RIN2: variants seen among roughly 807,000 people sequenced by gnomAD.
RIN2 encodes the protein RAB5 interacting protein 2.
In RIN2, 36 loss-of-function variants were observed where a neutral mutation model predicts 78.0. The ratio of observed to expected loss-of-function variants is 0.46; its 90% CI spans 0.35 to 0.61. The LOEUF (loss-of-function observed/expected upper bound fraction) is 0.61, where lower values mean the gene tolerates loss of function less well. Ranked by LOEUF, RIN2 falls within the 20% of genes least tolerant of loss-of-function variation. RIN2 has a pLI of 0.00. For synonymous variants in RIN2, 466 were observed against 466.8 expected, an observed-to-expected ratio of 1.00 and a Z score of 0.02; for missense variants, 1,087 against 1,159.7, an observed-to-expected ratio of 0.94 and a Z score of 0.91.
intron 4 of RIN2, among the ~76,000 whole-genome samples, chr20:19,944,725 T>G (rs1421466060): frequency 6.6e-6 from 1 of 151,890 alleles, no homozygotes; most frequent in Non-Finnish European, 1.5e-5. Context: ...AAGTTGAGGA[T>G]GGCAATACCA....
intron 4 of RIN2, 43 bp from the exon 5 acceptor site, chr20:19,956,572 T>C (rs767613815): frequency 2.0e-5 from 32 of 1,582,746 alleles, no homozygotes; most frequent in Non-Finnish European, 2.6e-5. Flanking sequence ...GTTAGGGAAA[T>C]GGTACTGCAG....
intron 2 of RIN2, among the ~76,000 whole-genome samples, chr20:19,830,804 G>A (rs1242350849): frequency 1.3e-5 from 2 of 152,188 alleles, no homozygotes; most frequent in African/African-American, 4.8e-5. Context: ...TGGCTGAAGG[G>A]GGCTGCCTAG....
intron 1 of RIN2, among the ~76,000 whole-genome samples, chr20:19,796,698 A>G (rs543381896): frequency 6.6e-6 from 1 of 152,182 alleles, no homozygotes. Flanking sequence ...CCCATCCCCA[A>G]ATTGATTTGG....
intron 3 of RIN2, among the ~76,000 whole-genome samples, chr20:19,920,768 C>G (rs191097836): frequency 6.6e-6 from 1 of 152,320 alleles, no homozygotes; most frequent in Admixed American, 6.5e-5. Context: ...CCTCCACCCC[C>G]CAAGTTCAAG....
intron 3 of RIN2, chr20:19,895,743 C>T (rs916374514): frequency 6.6e-6 from 1 of 152,120 alleles, no homozygotes; most frequent in Non-Finnish European, 1.5e-5. Flanking sequence ...AACAGAAAAC[C>T]TGTCATTATA....
intron 2 of RIN2, among the ~76,000 whole-genome samples, chr20:19,827,225 C>G (rs981666840): frequency 2.0e-5 from 3 of 152,174 alleles, no homozygotes; most frequent in African/African-American, 7.2e-5. Flanking sequence ...ATCTGCCTGC[C>G]TCGGCCTCCC....
intron 3 of RIN2, 51 bp from the exon 4 acceptor site, chr20:19,935,048 A>G (rs1684853038): frequency 3.6e-6 from 5 of 1,404,858 alleles, no homozygotes; most frequent in African/African-American, 2.8e-5. Flanking sequence ...CGCTGTGGGC[A>G]TGCCACGCCT....
At chr20:19,900,172 G>A (rs1432278457) in intron 3 of RIN2, among the ~76,000 whole-genome samples, 2 of 152,160 alleles carry the variant, frequency 1.3e-5, no homozygotes, top group African/African-American at 2.4e-5. Context: ...AGATTTTCAT[G>A]TAAAATAATC....
chr20:19,927,458 A>G (rs1304670999), intron 3 of RIN2, among the ~76,000 whole-genome samples: 1 of 151,926 alleles, frequency 6.6e-6, no homozygotes, highest in Non-Finnish European at 1.5e-5. Flanking sequence ...TCTGTTGCCC[A>G]GGCTAGAGTG....
intron 2 of RIN2, 61 bp from the exon 3 acceptor site, chr20:19,889,505 G>C (rs996294339): frequency 6.9e-7 from 1 of 1,458,092 alleles, no homozygotes; most frequent in Non-Finnish European, 9.4e-7. Context: ...TGAGTGTTCT[G>C]TGGCTTAGAA....
chr20:19,765,724 T>C (rs933579192), intron 1 of RIN2, among the ~76,000 whole-genome samples: 33 of 152,144 alleles, frequency 2.2e-4, no homozygotes, highest in African/African-American at 7.7e-4. Context: ...TCAGAGGCTC[T>C]TGTCTTTTTA....
At chr20:19,852,978 C>CA (rs2037034737) in intron 2 of RIN2, among the ~76,000 whole-genome samples, 1 of 151,134 alleles carries the variant, frequency 6.6e-6, no homozygotes, top group South Asian at 2.1e-4. Flanking sequence ...TGGTGTGCTG[C>CA]ACCCATTAAC....
intron 4 of RIN2, among the ~76,000 whole-genome samples, chr20:19,945,938 A>AC (rs1245825710): frequency 2.6e-5 from 4 of 152,200 alleles, no homozygotes; most frequent in Non-Finnish European, 5.9e-5. Flanking sequence ...AAGCACAGAA[A>AC]CAAGAACGCT....
Position 19,960,706 on chromosome 20 carries a change from C to T in RIN2, c.358C>T (p.Leu120=). 6.3e-7 allele frequency: 1 copy of T among 1,591,700 alleles called. No homozygotes were observed. Among genetic ancestry groups the T allele is most frequent in the Non-Finnish European group, 8.6e-7 (1 of 1,168,048 alleles). ...VLQAQPPGIF[L]VHKSTKMQKK... ...TTTCTTTTCCCTCCACTAGATCTTC[C>T]TGGTTCATAAATCTACCAAGATGCA... The change falls in exon 6 of 13, where the codon CTG becomes TTG. Residue 120 remains leucine, a synonymous_variant. Coordinates refer to ENST00000255006, the MANE Select transcript of RIN2 (RefSeq NM_018993.4).
chr20:19,906,286 C>A (rs1292397138), intron 3 of RIN2, among the ~76,000 whole-genome samples: 1 of 152,038 alleles, frequency 6.6e-6, no homozygotes, highest in Non-Finnish European at 1.5e-5. Context: ...CTTGTCTATA[C>A]TAAAAATAAA....
At position 19,802,472 on chromosome 20, in the gene RIN2, A is replaced by C. The variant is rs1264790902; in HGVS notation, c.-37+2725A>C. 9.7e-5 allele frequency among the ~76,000 whole-genome samples: 6 copies of C among 62,132 alleles called. No individual in the cohort carries two copies. The African/African-American group carries it at 1.4e-3, about 14-fold the overall frequency. 40.8% of individuals were successfully genotyped at this position (62,132 alleles called of 152,430 possible). On this transcript the variant is annotated intron_variant, in intron 2 of 12. Transcript: ENST00000255006. Reference sequence around the variant, plus strand: ...CACTATCTCTACAAAAAGTTTCTTTAAAAAAAAAAAAAAAAAGTATACCTA... The same window carrying C: ...CACTATCTCTACAAAAAGTTTCTTTCAAAAAAAAAAAAAAAAGTATACCTA...
rs755518110 is a variant in RIN2, at chr20:19,935,186, G to T, written c.145G>T (p.Ala49Ser). 5.6e-6 allele frequency: 9 copies of T among 1,598,248 alleles called. No individual in the cohort carries two copies. In the South Asian group the frequency reaches 6.8e-5, roughly 12 times the overall value. The change falls in exon 4 of 13, where the codon GCT (alanine) becomes TCT (serine). Residue 49 changes from alanine to serine, a missense_variant. Ala to Ser is a moderately conservative substitution (Grantham distance 99). Coordinates refer to ENST00000255006, the MANE Select transcript of RIN2 (RefSeq NM_018993.4). ...DVNLENGLEP[A>S]ETHSMVRHKD... ...CAACCTGGAAAATGGCCTGGAACCC[G>T]CTGAAACCCACAGGTGACCAGAGAC... is the stretch of plus-strand genomic sequence containing the variant.
intron 2 of RIN2, among the ~76,000 whole-genome samples, chr20:19,844,698 C>T (rs7363852): frequency 0.16 from 4,035 of 25,298 alleles, 301 homozygotes; most frequent in East Asian, 0.3. Context: ...CTTCCTCTTC[C>T]TCTTCTTCTT....
intron 4 of RIN2, 23 bp from the exon 5 acceptor site, chr20:19,956,592 C>A (rs370337961): frequency 3.7e-5 from 59 of 1,607,694 alleles, no homozygotes; most frequent in Non-Finnish European, 4.2e-5. Context: ...GCCAGCTGAC[C>A]GTGCCGCTTC....
Sources: gnomAD v4.1 joint callset for allele counts (sites outside exome capture counted in the v4.1 genomes callset) on GRCh38, gnomAD v4.1.1 for gene constraint, MANE v1.5 for transcripts, NCBI Gene and HGNC (gene_info 2026-07-23, HGNC 2026-07-21) for gene names.